NBEA: variants seen among roughly 807,000 people sequenced by gnomAD.
The protein encoded by NBEA is neurobeachin.
In NBEA, 44 loss-of-function variants were observed where a neutral mutation model predicts 343.4. That is an observed-to-expected ratio of 0.13 (90% CI 0.10 to 0.16). NBEA has a LOEUF of 0.16. Among genes scored for constraint, NBEA ranks in the 10% least tolerant of loss-of-function variants. The probability of loss-of-function intolerance (pLI) is 1.00; values close to 1 mark genes in which losing one functional copy is unlikely to be tolerated. For synonymous variants in NBEA, 1,175 were observed against 1,238.7 expected, an observed-to-expected ratio of 0.95 and a Z score of 1.08; for missense variants, 2,555 against 3,631.3, an observed-to-expected ratio of 0.70 and a Z score of 7.62.
chr13:35,111,557 A>C (rs1470898597), intron 13 of NBEA, among the ~76,000 whole-genome samples: 18 of 152,142 alleles, frequency 1.2e-4, no homozygotes, highest in Admixed American at 9.8e-4. Context: ...TACATATATA[A>C]AAATATTTAA....
At chr13:35,301,160 T>C (rs1369812017) in intron 35 of NBEA, among the ~76,000 whole-genome samples, 1 of 151,656 alleles carries the variant, frequency 6.6e-6, no homozygotes, top group Non-Finnish European at 1.5e-5. Context: ...ACAATGAGAG[T>C]CCACAATATG....
In NBEA at chr13:35,390,887, G is replaced by C. The variant is rs943318587; in HGVS notation, c.6179+38564G>C. 2.6e-5 allele frequency among the ~76,000 whole-genome samples: 4 copies of C among 151,704 alleles called. No individual in the cohort carries two copies. The East Asian group carries it at 7.8e-4, about 29-fold the overall frequency. Reference sequence around the variant, plus strand: ...TACATGTTGTTATTTTCTTAATATTGCTGCTATACAAAAATGCCTGATTGA... The same window carrying C: ...TACATGTTGTTATTTTCTTAATATTCCTGCTATACAAAAATGCCTGATTGA... On this transcript the variant is annotated intron_variant, in intron 38 of 58. Coordinates refer to ENST00000379939, the MANE Select transcript of NBEA (RefSeq NM_001385012.1).
chr13:35,502,515 T>A (rs146777046), intron 41 of NBEA, among the ~76,000 whole-genome samples: 9 of 152,002 alleles, frequency 5.9e-5, no homozygotes, highest in Non-Finnish European at 1.0e-4. Context: ...TTTTTTCTTT[T>A]CTTTCTTCCA....
chr13:35,459,016 C>G lies in NBEA; in HGVS notation c.6448+6781C>G, dbSNP rs1046232988. ...ATTTCTTTACCACCGCCCCCCCCCC[C>G]CCACACACACACACACACACACTTA... is the stretch of plus-strand genomic sequence containing the variant. On this transcript the variant is annotated intron_variant, in intron 40 of 58. Transcript: ENST00000379939. Among the ~76,000 whole-genome samples the G allele has an allele frequency of 4.4e-5, 5 of 114,362 alleles. 1 individual carries two copies. Among genetic ancestry groups the G allele is most frequent in the African/African-American group, 1.8e-4 (4 of 22,518 alleles). The allele number at this position is 114,362 out of a possible 152,430, so 75.0% of individuals were successfully genotyped here.
Position 35,654,922 on chromosome 13 carries a change from A to G in NBEA, c.8103A>G (p.Ala2701=), listed in dbSNP as rs1304096630. The G allele has an allele frequency of 2.5e-6, 4 of 1,589,536 alleles. No homozygotes were observed. In the East Asian group the frequency reaches 6.9e-5, roughly 28 times the overall value. ...TTGACCAGAGTATACAAATCAATGC[A>G]CATTGTTTTGTGGTAACAGCAGATA... is the stretch of plus-strand genomic sequence containing the variant. ...DLVDQSIQIN[A]HCFVVTADNR... is the part of the protein sequence containing the mutation. Residue 2701 remains alanine, a synonymous_variant, in exon 54 of 59, where the codon GCA becomes GCG. Transcript: ENST00000379939.
intron 49 of NBEA, among the ~76,000 whole-genome samples, chr13:35,636,189 T>C (rs1260559248): frequency 6.6e-6 from 1 of 152,210 alleles, no homozygotes; most frequent in African/African-American, 2.4e-5. Flanking sequence ...CAAAACATAT[T>C]GCATACTTCA....
chr13:34,959,137 C>T (rs1176169451), intron 1 of NBEA, among the ~76,000 whole-genome samples: 1 of 151,982 alleles, frequency 6.6e-6, no homozygotes, highest in African/African-American at 2.4e-5. Context: ...TTATGAAGTG[C>T]TATGTTTATT....
chr13:35,118,116 T>C lies in NBEA; in HGVS notation c.2083-112T>C, dbSNP rs578039834. On this transcript the variant is annotated intron_variant, in intron 14 of 58. Transcript: ENST00000379939. ...ATGTGTGGGGATTTTAATTAAAATA[T>C]CACTACATTAAACTAACTCTTATTT... The C allele has an allele frequency of 6.4e-5, 39 of 606,572 alleles. 1 individual carries two copies. In the South Asian group the frequency reaches 1.3e-3, roughly 20 times the overall value. 37.6% of individuals were successfully genotyped at this position (606,572 alleles called of 1,614,324 possible). A position where few individuals can be genotyped will look rare whatever the true frequency, so the allele number is the denominator to read the frequency against.
At position 35,161,938 on chromosome 13, in the gene NBEA, A is replaced by G. The variant is rs746722348; in HGVS notation, c.4050A>G (p.Ala1350=). ...HQRLLTDLLF[A]LETDVHVWRS... Reference sequence around the variant, plus strand: ...GGCTTCTCACTGATTTACTATTTGCATTAGAAACTGATGTACATGTTTGGA... The same window carrying G: ...GGCTTCTCACTGATTTACTATTTGCGTTAGAAACTGATGTACATGTTTGGA... Residue 1350 remains alanine, a synonymous_variant, in exon 23 of 59, where the codon GCA becomes GCG. Coordinates refer to ENST00000379939, the MANE Select transcript of NBEA (RefSeq NM_001385012.1). 5 of 1,554,252 alleles carry G rather than the reference A, an allele frequency of 3.2e-6. No homozygotes were observed. The highest frequency in any genetic ancestry group is 1.4e-5 in the African/African-American group (1 of 73,128).
chr13:35,065,966 A>AT (rs1262939878), intron 8 of NBEA, among the ~76,000 whole-genome samples: 89 of 148,608 alleles, frequency 6.0e-4, no homozygotes, highest in East Asian at 2.5e-3. Flanking sequence ...TCGTGTGTAC[A>AT]TTTTTTTTTT....
chr13:35,102,278 T>A (rs1163662873), intron 11 of NBEA, among the ~76,000 whole-genome samples: 1 of 151,772 alleles, frequency 6.6e-6, no homozygotes, highest in Non-Finnish European at 1.5e-5. Context: ...TGGGATTTTT[T>A]TTGTGTGTTT....
At chr13:35,229,108 G>T (rs990801076) in intron 33 of NBEA, among the ~76,000 whole-genome samples, 50 of 152,060 alleles carry the variant, frequency 3.3e-4, no homozygotes, top group African/African-American at 1.1e-3. Flanking sequence ...ATAGCTCACT[G>T]CAGCCTTGAC....
At chr13:35,502,095 A>G (rs563774161) in intron 41 of NBEA, among the ~76,000 whole-genome samples, 8 of 152,262 alleles carry the variant, frequency 5.3e-5, no homozygotes, top group African/African-American at 1.7e-4. Flanking sequence ...GAGTGGAGAG[A>G]TGGACAGAAA....
intron 44 of NBEA, among the ~76,000 whole-genome samples, chr13:35,559,354 A>G (rs2079741848): frequency 6.6e-6 from 1 of 152,210 alleles, no homozygotes; most frequent in African/African-American, 2.4e-5. Flanking sequence ...GGTCCTAAAA[A>G]TAATCATACT....
At chr13:35,103,797 C>T (rs2065775064) in intron 11 of NBEA, among the ~76,000 whole-genome samples, 1 of 151,806 alleles carries the variant, frequency 6.6e-6, no homozygotes, top group East Asian at 1.9e-4. Flanking sequence ...GATCCAAACT[C>T]AGGAAATTAT....
At chr13:35,546,774 C>T (rs762628273) in intron 41 of NBEA, among the ~76,000 whole-genome samples, 14 of 151,940 alleles carry the variant, frequency 9.2e-5, no homozygotes, top group South Asian at 2.1e-4. Context: ...AGGCTGGTCT[C>T]GAACTCCTGA....
chr13:35,607,541 G>A lies in NBEA; in HGVS notation c.7449+963G>A, dbSNP rs538622996. Among the ~76,000 whole-genome samples the A allele has an allele frequency of 3.3e-5, 5 of 152,014 alleles. No homozygotes were observed. The East Asian group carries it at 5.8e-4, about 18-fold the overall frequency. Reference sequence around the variant, plus strand: ...GAATTACATCAATAAAACCAATGACGCCAAATATATTTTTAACCCTGTTTC... The same window carrying A: ...GAATTACATCAATAAAACCAATGACACCAAATATATTTTTAACCCTGTTTC... On this transcript the variant is annotated intron_variant, in intron 48 of 58. Coordinates refer to ENST00000379939, the MANE Select transcript of NBEA (RefSeq NM_001385012.1).
At chr13:35,183,490 G>A (rs1277773708) in intron 29 of NBEA, among the ~76,000 whole-genome samples, 3 of 151,888 alleles carry the variant, frequency 2.0e-5, no homozygotes. Flanking sequence ...ATGGAGATAT[G>A]GATTATGTTT....
chr13:35,431,699 A>G (rs538633803), intron 38 of NBEA, among the ~76,000 whole-genome samples: 20 of 152,294 alleles, frequency 1.3e-4, no homozygotes, highest in African/African-American at 4.6e-4. Context: ...TTAATAATGG[A>G]TAAAATTGCA....
Sources: gnomAD v4.1 joint callset for allele counts (sites outside exome capture counted in the v4.1 genomes callset) on GRCh38, gnomAD v4.1.1 for gene constraint, MANE v1.5 for transcripts, NCBI Gene and HGNC (gene_info 2026-07-23, HGNC 2026-07-21) for gene names.